Variants in SERAC1 observed in about 807,000 individuals in gnomAD.
The protein encoded by SERAC1 is serine active site containing 1, also known as protein SERAC1.
SERAC1 carries 36 observed loss-of-function variants against 85.7 expected under a neutral mutation model. That is an observed-to-expected ratio of 0.42 (90% CI 0.32 to 0.55). The LOEUF (loss-of-function observed/expected upper bound fraction) is 0.55. Among genes scored for constraint, SERAC1 ranks in the 20% least tolerant of loss-of-function variants. The pLI, the probability that SERAC1 is intolerant of heterozygous loss-of-function variation, is 0.11. For missense variants in SERAC1, 629 were observed against 796.2 expected, an observed-to-expected ratio of 0.79 and a Z score of 2.53; for synonymous variants, 242 against 265.3, an observed-to-expected ratio of 0.91 and a Z score of 0.85.
Position 158,130,560 on chromosome 6 carries a change from C to A in SERAC1, c.739-74G>T, listed in dbSNP as rs9459472. The A allele has an allele frequency of 9.8e-3, 8,364 of 849,928 alleles. 64 individuals are homozygous for A. Among genetic ancestry groups the A allele is most frequent in the South Asian group, 0.013 (734 of 58,194 alleles). 52.6% of individuals were successfully genotyped at this position (849,928 alleles called of 1,614,324 possible). ...TTTTGTTTGACAAAAAAAAAGAAAT[C>A]TCTGTACTAATAGATGGTGTTAGAA... On this transcript the variant is annotated intron_variant, in intron 8 of 16. Coordinates refer to ENST00000647468, the MANE Select transcript of SERAC1 (RefSeq NM_032861.4).
At chr6:158,140,397 C>G (rs544379272) in intron 8 of SERAC1, among the ~76,000 whole-genome samples, 2 of 152,286 alleles carry the variant, frequency 1.3e-5, no homozygotes, top group East Asian at 1.9e-4. Flanking sequence ...GGACAGGGTT[C>G]AGAAAGTTTC....
chr6:158,123,538 T>C (rs780235207), intron 10 of SERAC1, among the ~76,000 whole-genome samples: 7 of 152,210 alleles, frequency 4.6e-5, no homozygotes, highest in Non-Finnish European at 8.8e-5. Context: ...AGGTTTACAA[T>C]AGTCATTGCT....
At chr6:158,165,982 T>C (rs1029452811) in intron 1 of SERAC1, 2 of 152,220 alleles carry the variant, frequency 1.3e-5, no homozygotes, top group African/African-American at 4.8e-5. Flanking sequence ...GGTTGCACAA[T>C]GTGAATGTCA....
chr6:158,124,799 A>T (rs1470927834), intron 10 of SERAC1, among the ~76,000 whole-genome samples: 1 of 150,620 alleles, frequency 6.6e-6, no homozygotes. Flanking sequence ...ATACACACTC[A>T]ACAAAGAATA....
chr6:158,146,034 A>T (rs9295316), intron 6 of SERAC1: 21,972 of 152,262 alleles, frequency 0.14, 2,504 homozygotes, highest in East Asian at 0.42. Context: ...TTCGACTATT[A>T]GTATTAGAGC....
intron 1 of SERAC1, among the ~76,000 whole-genome samples, chr6:158,164,979 A>G (rs1210766218): frequency 6.6e-6 from 1 of 152,170 alleles, no homozygotes; most frequent in African/African-American, 2.4e-5. Context: ...CTTAACACCA[A>G]GCATCTTATT....
chr6:158,114,721 C>CTT (rs763347735), intron 15 of SERAC1, 68 bp downstream of exon 15: 1 of 606,118 alleles, frequency 1.6e-6, no homozygotes, highest in South Asian at 2.4e-5. Flanking sequence ...AAGGAAGAAA[C>CTT]TTTTTCTTCT....
In SERAC1 at chr6:158,114,938, G is replaced by A. The variant is rs751450632; in HGVS notation, c.1535C>T (p.Ser512Phe). 1.3e-5 allele frequency: 21 copies of A among 1,613,268 alleles called. No homozygotes were observed. In the Admixed American group the frequency reaches 2.7e-4, roughly 21 times the overall value. The part of the protein sequence containing the change: ...LLVKKMLLEA[S>F]TKPEMSTVIN... ...AACAGTACTCATTTCTGGCTTCGTA[G>A]AGGCTTCCAACAGCATCTTTTTGAC... Residue 512 changes from serine (S) to phenylalanine (F), a missense_variant, in exon 15 of 17, where the codon TCT (serine) becomes TTT (phenylalanine). Physicochemically the swap from Ser to Phe is radical, Grantham distance 155 (BLOSUM62 -2). Coordinates refer to ENST00000647468, the MANE Select transcript of SERAC1 (RefSeq NM_032861.4).
chr6:158,152,464 C>T (rs879603956), intron 3 of SERAC1, among the ~76,000 whole-genome samples: 21 of 151,756 alleles, frequency 1.4e-4, no homozygotes, highest in East Asian at 3.9e-4. Flanking sequence ...TGTAGTGAGA[C>T]GAGATCATGC....
intron 8 of SERAC1, among the ~76,000 whole-genome samples, chr6:158,135,960 C>T (rs1056697635): frequency 6.6e-5 from 10 of 152,112 alleles, no homozygotes; most frequent in Non-Finnish European, 1.3e-4. Flanking sequence ...CAGGCACCTG[C>T]CACCACGCCT....
chr6:158,142,253 T>C (rs922745887), intron 8 of SERAC1, among the ~76,000 whole-genome samples: 9 of 150,466 alleles, frequency 6.0e-5, no homozygotes, highest in Non-Finnish European at 1.3e-4. Context: ...CTCAGTCTCC[T>C]GGGCTCAAGC....
intron 13 of SERAC1, chr6:158,116,810 A>T (rs9295308): frequency 0.31 from 46,979 of 152,752 alleles, 8,678 homozygotes; most frequent in Admixed American, 0.52. Flanking sequence ...GGCTGCAAAA[A>T]TATTAAGCTT....
chr6:158,147,774 A>AGG (rs1785106076), intron 5 of SERAC1, among the ~76,000 whole-genome samples: 1 of 50,974 alleles, frequency 2.0e-5, no homozygotes, highest in African/African-American at 5.2e-5. Flanking sequence ...GTCTCAAAAA[A>AGG]AAAAAAAAAA....
At chr6:158,167,856 C>A (rs938501283) in intron 1 of SERAC1, among the ~76,000 whole-genome samples, 2 of 152,102 alleles carry the variant, frequency 1.3e-5, no homozygotes, top group African/African-American at 4.8e-5. Context: ...CTCATCTCTC[C>A]GTGACTACCG....
At position 158,117,528 on chromosome 6, in the gene SERAC1, A is replaced by G; in HGVS notation, c.1403+199T>C. The G allele has an allele frequency of 2.6e-6, 4 of 1,550,614 alleles. No individual in the cohort carries two copies. In the Admixed American group the frequency reaches 7.8e-5, roughly 30 times the overall value. On this transcript the variant is annotated intron_variant, in intron 13 of 16. Coordinates refer to ENST00000647468, the MANE Select transcript of SERAC1 (RefSeq NM_032861.4). The surrounding 1 kb of genome is among the most constrained non-coding windows in gnomAD (Gnocchi z 4.3). Reference sequence around the variant, plus strand: ...ATGTTAGGAGCCCACCATTGGTGATATACCTAAGCCTTCTACTATTCCACT... The same window carrying G: ...ATGTTAGGAGCCCACCATTGGTGATGTACCTAAGCCTTCTACTATTCCACT...
rs1181337997 is a variant in SERAC1 at position 158,138,867 on chromosome 6, G to T, written c.738+4189C>A. 2.6e-5 allele frequency among the ~76,000 whole-genome samples: 4 copies of T among 152,018 alleles called. No homozygotes were observed. The South Asian group carries it at 8.3e-4, about 32-fold the overall frequency. ...GACACCAACAGCACAAACAACAAAA[G>T]GAAAAAATGTATAAATTGGACTTCA... On this transcript the variant is annotated intron_variant, in intron 8 of 16. Transcript: ENST00000647468.
chr6:158,140,423 G>A (rs772529949), intron 8 of SERAC1, among the ~76,000 whole-genome samples: 7 of 152,210 alleles, frequency 4.6e-5, no homozygotes, highest in South Asian at 2.1e-4. Flanking sequence ...ACCGGAACCC[G>A]TGGAGATGTC....
intron 3 of SERAC1, among the ~76,000 whole-genome samples, chr6:158,153,749 A>G (rs1192016667): frequency 1.3e-5 from 2 of 152,146 alleles, no homozygotes; most frequent in African/African-American, 4.8e-5. Flanking sequence ...CCTTCTTCTG[A>G]CCTTTGGTTT....
chr6:158,153,231 T>C (rs1785248238), intron 3 of SERAC1, among the ~76,000 whole-genome samples: 1 of 152,274 alleles, frequency 6.6e-6, no homozygotes, highest in African/African-American at 2.4e-5. Flanking sequence ...ATGTATTCTT[T>C]TGCTCAGCCT....
Sources: allele counts gnomAD v4.1 joint callset (sites outside exome capture counted in the v4.1 genomes callset), GRCh38; gene constraint gnomAD v4.1.1; non-coding constraint Gnocchi (gnomAD v3.1); transcripts MANE v1.5; gene names NCBI Gene and HGNC (gene_info 2026-07-23, HGNC 2026-07-21).